The following PCNX2 variants were observed in gnomAD, a reference collection of about 807,000 sequenced individuals.
PCNX2 encodes the protein pecanex 2.
In PCNX2, 168 loss-of-function variants were observed where a neutral mutation model predicts 223.8. The observed-to-expected ratio is 0.75, with a 90% confidence interval of 0.66 to 0.85. The LOEUF (loss-of-function observed/expected upper bound fraction) is 0.85, where lower values mean the gene tolerates loss of function less well. Ranked by LOEUF, PCNX2 falls within the 40% of genes least tolerant of loss-of-function variation. The pLI is 0.00. For synonymous variants in PCNX2, 1,006 were observed against 1,052.6 expected (o/e 0.96, Z 0.86); for missense variants, 2,507 against 2,675.5 (o/e 0.94, Z 1.39).
At chr1:233,195,822 AAAGTTACAGTTAAG>A in intron 15 of PCNX2, among the ~76,000 whole-genome samples, 1 of 152,230 alleles carries the variant, frequency 6.6e-6, no homozygotes, top group Non-Finnish European at 1.5e-5. Context: ...CATGGATCAA[AAAGTTACAGTTAAG>A]ATGTCAGTTC....
chr1:233,207,868 G>C (rs1681569773), intron 13 of PCNX2, among the ~76,000 whole-genome samples: 1 of 152,128 alleles, frequency 6.6e-6, no homozygotes, highest in African/African-American at 2.4e-5. Context: ...ACTCCTCCTG[G>C]ACTGAGAACC....
At chr1:233,224,679 T>C (rs1657592046) in intron 10 of PCNX2, among the ~76,000 whole-genome samples, 1 of 152,146 alleles carries the variant, frequency 6.6e-6, no homozygotes, top group Non-Finnish European at 1.5e-5. Flanking sequence ...TTGGGTTTCT[T>C]CCTCCTTCCT....
intron 9 of PCNX2, among the ~76,000 whole-genome samples, chr1:233,227,767 G>T (rs1657834353): frequency 6.6e-6 from 1 of 152,074 alleles, no homozygotes; most frequent in Non-Finnish European, 1.5e-5. Flanking sequence ...TTAATGTTGA[G>T]ATACATATTC....
chr1:233,092,211 G>A (rs1304727652), intron 22 of PCNX2, among the ~76,000 whole-genome samples: 1 of 152,224 alleles, frequency 6.6e-6, no homozygotes, highest in Non-Finnish European at 1.5e-5. Flanking sequence ...CCCCACATCA[G>A]GGGACAGAGG....
chr1:233,143,524 C>T (rs1205156977), intron 19 of PCNX2, among the ~76,000 whole-genome samples: 1 of 152,194 alleles, frequency 6.6e-6, no homozygotes, highest in Non-Finnish European at 1.5e-5. Context: ...TTCTCAGATT[C>T]AATCCTGGAC....
the PCNX2 span, among the ~76,000 whole-genome samples, chr1:233,315,809 CT>C: frequency 1.1e-4 from 16 of 151,642 alleles, 1 homozygote; most frequent in Middle Eastern, 6.8e-3. Context: ...GATGACTAAC[CT>C]TTTTTTAAAA....
In PCNX2 at chr1:233,127,361, T is replaced by C. The variant is rs902501454; in HGVS notation, c.3837+7652A>G. Among the ~76,000 whole-genome samples, 10 of 152,290 alleles carry C rather than the reference T, an allele frequency of 6.6e-5. 1 individual carries two copies. In the South Asian group the frequency reaches 1.9e-3, roughly 28 times the overall value. ...AATGTGCCAACTCCTCTCTTGCTTC[T>C]GTGCCTTTACACATGCAGCTTCCTC... On this transcript the variant is annotated intron_variant, in intron 21 of 33. Coordinates refer to ENST00000258229, the MANE Select transcript of PCNX2 (RefSeq NM_014801.4).
At chr1:232,997,797 G>A (rs1669925299) in intron 32 of PCNX2, among the ~76,000 whole-genome samples, 1 of 152,194 alleles carries the variant, frequency 6.6e-6, no homozygotes, top group African/African-American at 2.4e-5. Context: ...GCTCTGAAAT[G>A]TCAAGTCTAA....
chr1:233,263,512 G>A (rs1660171150), intron 1 of PCNX2, among the ~76,000 whole-genome samples: 1 of 147,788 alleles, frequency 6.8e-6, no homozygotes, highest in Admixed American at 6.8e-5. Context: ...CTTGAGTGCA[G>A]TGGCAAGATC....
intron 8 of PCNX2, among the ~76,000 whole-genome samples, chr1:233,243,439 T>C (rs1231763427): frequency 1.3e-5 from 2 of 152,236 alleles, no homozygotes; most frequent in African/African-American, 4.8e-5. Context: ...AGTTTATGTT[T>C]GTTTACTGTA....
chr1:233,088,386 C>T (rs1402342993), intron 23 of PCNX2, among the ~76,000 whole-genome samples: 1 of 152,254 alleles, frequency 6.6e-6, no homozygotes, highest in South Asian at 2.1e-4. Context: ...TGAGAAAATG[C>T]CCCTCCTCTT....
At position 233,025,009 on chromosome 1, in the gene PCNX2, T is replaced by C. The variant is rs574862651; in HGVS notation, c.4605+137A>G. ...TCTAGGATTTTTCCAAAAGCAATGGTTCCCCAGATGGCTGGGTTTCCAATT... is the reference window on the plus strand; with the variant it reads ...TCTAGGATTTTTCCAAAAGCAATGGCTCCCCAGATGGCTGGGTTTCCAATT... On this transcript the variant is annotated intron_variant, in intron 26 of 33. Transcript: ENST00000258229. The C allele has an allele frequency of 5.0e-5, 59 of 1,190,114 alleles. 1 individual carries two copies. The South Asian group carries it at 8.7e-4, about 18-fold the overall frequency. The allele number at this position is 1,190,114 out of a possible 1,614,324, so 73.7% of individuals were successfully genotyped here.
intron 25 of PCNX2, among the ~76,000 whole-genome samples, chr1:233,053,576 A>T (rs949026105): frequency 6.6e-6 from 1 of 152,208 alleles, no homozygotes; most frequent in African/African-American, 2.4e-5. Flanking sequence ...TCCAGTATTG[A>T]AACACTGCCT....
At position 233,111,220 on chromosome 1, in the gene PCNX2, A is replaced by G. The variant is rs1254958240; in HGVS notation, c.3838-15357T>C. Among the ~76,000 whole-genome samples, 16 of 152,164 alleles carry G rather than the reference A, an allele frequency of 1.1e-4. 1 individual carries two copies. The highest frequency in any genetic ancestry group is 1.0e-3 in the Admixed American group (16 of 15,274). On this transcript the variant is annotated intron_variant, in intron 21 of 33. Coordinates refer to ENST00000258229, the MANE Select transcript of PCNX2 (RefSeq NM_014801.4). ...TCTTATTAGTTGTGAGATGGGTTTC[A>G]GTCCACTGAGCCTCAGTTTTCTCAT...
At chr1:233,220,809 C>T (rs536649552) in intron 10 of PCNX2, among the ~76,000 whole-genome samples, 8 of 152,032 alleles carry the variant, frequency 5.3e-5, no homozygotes, top group Non-Finnish European at 2.9e-5. Context: ...ATGAGAGAAA[C>T]AGTAAAGAGA....
chr1:233,211,339 T>C (rs1681806634), intron 12 of PCNX2, among the ~76,000 whole-genome samples: 1 of 152,056 alleles, frequency 6.6e-6, no homozygotes, highest in African/African-American at 2.4e-5. Flanking sequence ...CAGATTTTTT[T>C]TTTTTTTTAA....
At chr1:233,199,837 C>T (rs1680956190) in intron 14 of PCNX2, among the ~76,000 whole-genome samples, 2 of 152,070 alleles carry the variant, frequency 1.3e-5, no homozygotes, top group Admixed American at 1.3e-4. Context: ...TCCACTCACA[C>T]ATGCTCACAC....
At chr1:233,115,990 T>C (rs182787694) in intron 21 of PCNX2, among the ~76,000 whole-genome samples, 22 of 152,294 alleles carry the variant, frequency 1.4e-4, no homozygotes, top group Admixed American at 1.1e-3. Flanking sequence ...GGAGCAGTGA[T>C]ATCATTATCA....
At chr1:233,137,636 A>G (rs1298034713) in intron 20 of PCNX2, among the ~76,000 whole-genome samples, 1 of 152,190 alleles carries the variant, frequency 6.6e-6, no homozygotes, top group Admixed American at 6.5e-5. Flanking sequence ...GTTTTTATTA[A>G]AGTCACAGTT....
Sources: gnomAD v4.1 joint callset for allele counts (sites outside exome capture counted in the v4.1 genomes callset) on GRCh38, gnomAD v4.1.1 for gene constraint, MANE v1.5 for transcripts, NCBI Gene and HGNC (gene_info 2026-07-23, HGNC 2026-07-21) for gene names.